Variants in OGDH observed in about 807,000 individuals in gnomAD.
OGDH encodes 2-oxoglutarate dehydrogenase complex component E1.
Under a neutral mutation model 116.6 loss-of-function variants are expected in OGDH, and 38 were observed. The ratio of observed to expected loss-of-function variants is 0.33; its 90% CI spans 0.25 to 0.43. The LOEUF is 0.43. OGDH is among the 20% of genes least tolerant of loss of function. The probability of loss-of-function intolerance (pLI) is 1.00; values close to 1 mark genes in which losing one functional copy is unlikely to be tolerated. For synonymous variants in OGDH, 488 were observed against 533.3 expected (o/e 0.92, Z 1.17); for missense variants, 825 against 1,357.2 (o/e 0.61, Z 6.16).
Position 44,693,872 on chromosome 7 carries a change from C to G in OGDH, c.1383C>G (p.Pro461=), listed in dbSNP as rs1788468939. 4.3e-6 allele frequency: 7 copies of G among 1,613,134 alleles called. No homozygotes were observed. The highest frequency in any genetic ancestry group is 1.7e-5 in the Admixed American group (1 of 59,964). Residue 461 remains proline, a synonymous_variant, in exon 11 of 23, where the codon CCC becomes CCG. Coordinates refer to ENST00000222673, the MANE Select transcript of OGDH (RefSeq NM_002541.4). ...DPRMARSSPY[P]TDVARVVNAP... ...GGATGGCCCGCTCCTCCCCCTACCC[C>G]ACTGACGTGGCCCGAGTGGTGAATG...
chr7:44,686,689 CTTTT>C (rs35917984), intron 10 of OGDH, among the ~76,000 whole-genome samples: 3 of 133,230 alleles, frequency 2.3e-5, no homozygotes, highest in Non-Finnish European at 3.2e-5. Context: ...TTCTTTTTTT[CTTTT>C]TTTTTTTTTT....
At chr7:44,688,079 T>C (rs1788208676) in intron 10 of OGDH, among the ~76,000 whole-genome samples, 1 of 152,126 alleles carries the variant, frequency 6.6e-6, no homozygotes. Context: ...TTATAAATAA[T>C]GCTGCTGTGG....
rs142079619 is a variant in OGDH, at chr7:44,608,637, C to T, written c.-28+1984C>T. On this transcript the variant is annotated intron_variant, in intron 1 of 22. Transcript: ENST00000222673. ...GCAGGAGGCTGAGGCAGGAGAATCG[C>T]TTGAACGCAGGAGGCAGAGGTTGCA... 4.0e-3 allele frequency among the ~76,000 whole-genome samples: 608 copies of T among 152,104 alleles called. 3 individuals carry two copies. Among genetic ancestry groups the T allele is most frequent in the African/African-American group, 0.014 (592 of 41,516 alleles).
intron 3 of OGDH, chr7:44,647,428 G>A: frequency 6.6e-7 from 1 of 1,525,984 alleles, no homozygotes; most frequent in Non-Finnish European, 8.8e-7. Context: ...TGACTTGCTT[G>A]TGTTATTGCT....
At chr7:44,614,573 T>C (rs1784697177) in intron 1 of OGDH, among the ~76,000 whole-genome samples, 1 of 152,168 alleles carries the variant, frequency 6.6e-6, no homozygotes, top group African/African-American at 2.4e-5. Flanking sequence ...GTCTTTATTC[T>C]GCCCTTTAAC....
intron 10 of OGDH, among the ~76,000 whole-genome samples, chr7:44,686,046 C>CTTTTTTTTTTTTTTTT (rs947000633): frequency 1.4e-5 from 2 of 144,830 alleles, no homozygotes; most frequent in African/African-American, 5.0e-5. Flanking sequence ...TTCTTTCTTT[C>CTTTTTTTTTTTTTTTT]TTTTTTTTTT....
chr7:44,654,025 T>C (rs372905615), intron 4 of OGDH, among the ~76,000 whole-genome samples: 9 of 152,212 alleles, frequency 5.9e-5, no homozygotes, highest in African/African-American at 1.9e-4. Context: ...TGGTTAATTT[T>C]TGTATTTTTA....
rs915679783 is a variant in OGDH at position 44,616,930 on chromosome 7, G to A, written c.-27-7387G>A. On this transcript the variant is annotated intron_variant, in intron 1 of 22. Transcript: ENST00000222673. ...CGCGCCACTGCACTCCATCCTGGAC[G>A]ACAGAGCGAGACTCCTTTCGGAGCT... 1.6e-4 allele frequency among the ~76,000 whole-genome samples: 20 copies of A among 122,928 alleles called. No homozygotes were observed. The East Asian group carries it at 3.7e-3, about 23-fold the overall frequency. 80.6% of individuals were successfully genotyped at this position (122,928 alleles called of 152,430 possible).
chr7:44,703,180 T>G (rs1788915896), intron 20 of OGDH, among the ~76,000 whole-genome samples: 1 of 151,920 alleles, frequency 6.6e-6, no homozygotes, highest in Non-Finnish European at 1.5e-5. Flanking sequence ...CTTTGGGAGT[T>G]CGAGGCAGGT....
intron 3 of OGDH, among the ~76,000 whole-genome samples, chr7:44,646,808 G>C (rs969386287): frequency 1.3e-5 from 2 of 152,156 alleles, no homozygotes; most frequent in African/African-American, 2.4e-5. Flanking sequence ...CTCAGCAGCA[G>C]CAGGACCAGA....
chr7:44,614,776 G>T (rs1242510303), intron 1 of OGDH, among the ~76,000 whole-genome samples: 1 of 151,410 alleles, frequency 6.6e-6, no homozygotes, highest in East Asian at 1.9e-4. Flanking sequence ...ACGTCATCTT[G>T]GTATTGGTGT....
chr7:44,692,136 TGTGGCTCA>T (rs546899057), intron 10 of OGDH, among the ~76,000 whole-genome samples: 293 of 152,266 alleles, frequency 1.9e-3, no homozygotes, highest in African/African-American at 6.8e-3. Context: ...TGCTCATGCC[TGTGGCTCA>T]GTTTTCCCTT....
chr7:44,611,306 G>C (rs1426367206), intron 1 of OGDH, among the ~76,000 whole-genome samples: 1 of 151,836 alleles, frequency 6.6e-6, no homozygotes, highest in Non-Finnish European at 1.5e-5. Context: ...TGTCGCCCAG[G>C]CTGGAGTGCT....
In OGDH at chr7:44,694,363, A is replaced by ACAGCACTTCTTC. The variant is rs1427260758; in HGVS notation, c.1516-59_1516-48dup. The ACAGCACTTCTTC allele has an allele frequency of 1.3e-6, 2 of 1,594,222 alleles. No homozygotes were observed. The highest frequency in any genetic ancestry group is 1.7e-6 in the Non-Finnish European group (2 of 1,170,344). Reference sequence around the variant, plus strand: ...TAGGAGAGATGGGGCAGGTGCCTGAACAGCACTTCTTCCCAAGGGGCCAGC... The same window carrying ACAGCACTTCTTC: ...TAGGAGAGATGGGGCAGGTGCCTGAACAGCACTTCTTCCAGCACTTCTTCCCAAGGGGCCAGC... On this transcript the variant is annotated intron_variant, in intron 11 of 22. Transcript: ENST00000222673. This position sits in a 1 kb window ranked among gnomAD's most constrained non-coding sequence, Gnocchi z 4.2.
At chr7:44,704,839 TA>T (rs1168977584) in intron 20 of OGDH, among the ~76,000 whole-genome samples, 1 of 151,696 alleles carries the variant, frequency 6.6e-6, no homozygotes, top group Non-Finnish European at 1.5e-5. Flanking sequence ...GCCTCCCAAG[TA>T]GCTGGGATTA....
chr7:44,676,382 T>G, intron 9 of OGDH: 1 of 837,602 alleles, frequency 1.2e-6, no homozygotes, highest in African/African-American at 1.7e-5. Context: ...ATGGAGAAAC[T>G]CCATCTCTAC....
chr7:44,666,587 T>C, intron 4 of OGDH, 149 bp from the exon 5 acceptor site: 1 of 400,218 alleles, frequency 2.5e-6, no homozygotes, highest in Non-Finnish European at 4.5e-6. Context: ...TATTACTTAT[T>C]TCACATATAT....
At chr7:44,704,342 G>A (rs556692972) in intron 20 of OGDH, among the ~76,000 whole-genome samples, 1 of 151,734 alleles carries the variant, frequency 6.6e-6, no homozygotes, top group South Asian at 2.1e-4. Flanking sequence ...TTGGCCACTT[G>A]TATATCTTCC....
chr7:44,668,858 T>C (rs1787300112), intron 5 of OGDH, among the ~76,000 whole-genome samples: 1 of 152,246 alleles, frequency 6.6e-6, no homozygotes. Flanking sequence ...AAATTTCATG[T>C]GGGTCTACTA....
Sources: gnomAD v4.1 joint callset for allele counts (sites outside exome capture counted in the v4.1 genomes callset) on GRCh38, gnomAD v4.1.1 for gene constraint, Gnocchi (gnomAD v3.1) non-coding constraint, MANE v1.5 for transcripts, NCBI Gene and HGNC (gene_info 2026-07-23, HGNC 2026-07-21) for gene names.